Variants in DDX41 observed in about 807,000 individuals in gnomAD.
The protein encoded by DDX41 is DEAD-box helicase 41, also known as probable ATP-dependent RNA helicase DDX41.
A neutral mutation model predicts 78.8 loss-of-function variants in DDX41; 50 were observed. The ratio of observed to expected loss-of-function variants is 0.63; its 90% confidence interval spans 0.51 to 0.80. DDX41 has a LOEUF of 0.80. Ranked by LOEUF, DDX41 falls within the 30% of genes least tolerant of loss-of-function variation. DDX41 has a pLI of 0.00. For missense variants in DDX41, 633 were observed against 849.2 expected (o/e 0.75, Z 3.16); for synonymous variants, 381 against 321.5 (o/e 1.19, Z -1.98).
chr5:177,515,808 G>C lies in DDX41; in HGVS notation c.448C>G (p.Arg150Gly), dbSNP rs1420691936. 2 of 1,614,166 alleles carry C rather than the reference G, an allele frequency of 1.2e-6. No homozygotes were observed. The highest frequency in any genetic ancestry group is 3.3e-5 in the Admixed American group (2 of 60,024). The change falls in exon 6 of 17, where the codon CGT becomes GGT. Residue 150 changes from arginine (R) to glycine (G), a missense_variant. By Grantham distance (125) the Arg-to-Gly change is moderately radical. Around this residue, in one of 6 missense-constraint regions of DDX41, gnomAD observed 126 missense variants for 115.5 expected, o/e 1.09. Coordinates refer to ENST00000330503, the MANE Select transcript of DDX41 (RefSeq NM_016222.4). ...DPIKTSWTPP[R>G]YVLSMSEERH... ...TCTTCAGACATGCTCAGAACATAAC[G>C]GGGTGGAGTCCAGCTGTGGATGGGT... is the stretch of plus-strand genomic sequence containing the variant.
chr5:177,512,583 C>A lies in DDX41; in HGVS notation c.1462G>T (p.Ala488Ser). Reference sequence around the variant, plus strand: ...AGGCCCTTGGAGGCAACGTCTGTGGCTACTAGGACATCCTTCTTGCCCTCC... The same window carrying A: ...AGGCCCTTGGAGGCAACGTCTGTGGATACTAGGACATCCTTCTTGCCCTCC... ...FREGKKDVLV[A>S]TDVASKGLDF... is the part of the protein sequence containing the mutation. The change falls in exon 14 of 17, where the codon GCC becomes TCC. Residue 488 changes from alanine (A) to serine (S), a missense_variant. Ala to Ser is a moderately conservative substitution (Grantham distance 99). This residue lies in a region of DDX41 where 185 missense variants were observed against 367.4 expected (regional missense o/e 0.50). Coordinates refer to ENST00000330503, the MANE Select transcript of DDX41 (RefSeq NM_016222.4). The A allele has an allele frequency of 6.2e-7, 1 of 1,614,184 alleles. No individual in the cohort carries two copies. Among genetic ancestry groups the A allele is most frequent in the Non-Finnish European group, 8.5e-7 (1 of 1,180,034 alleles).
chr5:177,515,373 A>G, intron 6 of DDX41, 115 bp from the exon 7 acceptor site: 1 of 889,248 alleles, frequency 1.1e-6, no homozygotes, highest in East Asian at 2.8e-5. Flanking sequence ...TGAGGCTCAG[A>G]GAGAGAGAGA....
Position 177,514,707 on chromosome 5 carries a change from A to T in DDX41, c.929T>A (p.Ile310Asn). 2.5e-6 allele frequency: 4 copies of T among 1,610,180 alleles called. No individual in the cohort carries two copies. The highest frequency in any genetic ancestry group is 3.4e-6 in the Non-Finnish European group (4 of 1,178,128). The change falls in exon 9 of 17, where the codon ATC becomes AAC. Residue 310 changes from isoleucine (I) to asparagine (N), a missense_variant. Ile to Asn is a moderately radical substitution (Grantham distance 149). Coordinates refer to ENST00000330503, the MANE Select transcript of DDX41 (RefSeq NM_016222.4). The surrounding 1 kb of genome is among the most constrained non-coding windows in gnomAD (Gnocchi z 4.2). The part of the protein sequence containing the change: ...GMSVKEQMET[I>N]RHGVHMMVAT... ...AGGGAGCGCCAGCACTCACTGTCGG[A>T]TGGTCTCCATCTGCTCTTTCACGGA...
In DDX41 at chr5:177,514,302, G is replaced by A. The variant is rs540161358; in HGVS notation, c.935+399C>T. On this transcript the variant is annotated intron_variant, in intron 9 of 16. Transcript: ENST00000330503. The surrounding 1 kb of genome is among the most constrained non-coding windows in gnomAD (Gnocchi z 4.2). ...GACTGCACAGCACTGAAAGGACACA[G>A]GTGCCGCTGGGATCCAGCCCTACCC... 2.1e-6 allele frequency: 1 copy of A among 483,680 alleles called. No homozygotes were observed. Among genetic ancestry groups the A allele is most frequent in the South Asian group, 1.6e-5 (1 of 63,376 alleles). The allele number at this position is 483,680 out of a possible 1,614,324, so 30.0% of individuals were successfully genotyped here.
intron 6 of DDX41, 67 bp from the exon 7 acceptor site, chr5:177,515,325 A>T: frequency 6.8e-7 from 1 of 1,476,118 alleles, no homozygotes; most frequent in Non-Finnish European, 9.5e-7. Context: ...AAAGCCTGTA[A>T]AACTGGCACT....
chr5:177,516,478 A>C (rs753730418), intron 2 of DDX41, 31 bp from the exon 3 acceptor site: 1 of 1,610,888 alleles, frequency 6.2e-7, no homozygotes, highest in Non-Finnish European at 8.5e-7. Flanking sequence ...CACAGATAGG[A>C]TGGGCATGGA....
chr5:177,516,547 C>A, intron 2 of DDX41, 100 bp from the exon 3 acceptor site: 1 of 1,491,100 alleles, frequency 6.7e-7, no homozygotes, highest in Non-Finnish European at 9.2e-7. Context: ...GCCCGAGGCG[C>A]AAAGCTGCCC....
At chr5:177,515,625 A>G (rs1761189538) in intron 6 of DDX41, 60 bp downstream of exon 6, 2 of 1,592,520 alleles carry the variant, frequency 1.3e-6, no homozygotes, top group African/African-American at 1.3e-5. Flanking sequence ...GGGAGCCAGG[A>G]CATAACCTCA....
At chr5:177,512,934 C>T in intron 12 of DDX41, 58 bp from the exon 13 acceptor site, 1 of 1,606,864 alleles carries the variant, frequency 6.2e-7, no homozygotes, top group Middle Eastern at 1.7e-4. Context: ...CACCGCACCT[C>T]CCCTGGCACT....
rs1760949042 is a variant in DDX41, at chr5:177,511,738, T to C, written c.*53A>G. ...CCAGGGGGCTGCTGTATGTGTAGAC[T>C]GGTGGCAGTCTTGGGGACTGAGGCC... On this transcript the variant is annotated 3_prime_UTR_variant, in exon 17 of 17. Transcript: ENST00000330503. The C allele has an allele frequency of 6.3e-7, 1 of 1,589,406 alleles. No individual in the cohort carries two copies. The highest frequency in any genetic ancestry group is 8.6e-7 in the Non-Finnish European group (1 of 1,164,360).
rs199630434 is a variant in DDX41 at position 177,511,872 on chromosome 5, G to A, written c.1788C>T (p.Pro596=). The change falls in exon 17 of 17, where the codon CCC becomes CCT. Residue 596 remains proline (P), a synonymous_variant. Coordinates refer to ENST00000330503, the MANE Select transcript of DDX41 (RefSeq NM_016222.4). ...GCTTGGTCTGCATAGCCTCGAGTTT[G>A]GGGCAGTCAGTGATCCGATGACCCA... ...GGLGHRITDC[P]KLEAMQTKQV... is the part of the protein sequence containing the mutation. The A allele has an allele frequency of 6.2e-7, 1 of 1,614,142 alleles. No individual in the cohort carries two copies. The highest frequency in any genetic ancestry group is 8.5e-7 in the Non-Finnish European group (1 of 1,180,036).
rs138403280 is a variant in DDX41, at chr5:177,515,299, AC to A, written c.572-42del. On this transcript the variant is annotated intron_variant, in intron 6 of 16. Transcript: ENST00000330503. Reference sequence around the variant, plus strand: ...GACATCGTCTTCATGACTCACAGGTACTTTCTCAGAGCCCCAAAGCCTGTAA... The same window carrying A: ...GACATCGTCTTCATGACTCACAGGTATTTCTCAGAGCCCCAAAGCCTGTAA... 2,675 of 1,605,444 alleles carry A rather than the reference AC, an allele frequency of 1.7e-3. 30 individuals carry two copies. In the African/African-American group the frequency reaches 0.031, roughly 18 times the overall value.
chr5:177,512,022 T>C (rs1272775534), intron 16 of DDX41, 74 bp downstream of exon 16: 44 of 1,606,782 alleles, frequency 2.7e-5, no homozygotes, highest in Non-Finnish European at 3.7e-5. Context: ...TCCACCGGTT[T>C]CACGTTTCTG....
intron 1 of DDX41, 21 bp from the exon 2 acceptor site, chr5:177,516,856 G>C (rs374783134): frequency 1.2e-6 from 2 of 1,613,028 alleles, no homozygotes; most frequent in Middle Eastern, 1.6e-4. Flanking sequence ...ACGCCAGTCA[G>C]GCACGGCCTG....
Position 177,515,727 on chromosome 5 carries a change from G to C in DDX41, c.529C>G (p.Pro177Ala), listed in dbSNP as rs747762811. The change falls in exon 6 of 17, where the codon CCA becomes GCA. Residue 177 changes from proline to alanine, a missense_variant. Transcript: ENST00000330503. ...TCCTTGAAGCTCTTGATGGGTGGTG[G>C]GATACCGTCTCCCTCCACCAGGATG... ...YHILVEGDGI[P>A]PPIKSFKEMK... 6.2e-7 allele frequency: 1 copy of C among 1,614,088 alleles called. No individual in the cohort carries two copies. The highest frequency in any genetic ancestry group is 8.5e-7 in the Non-Finnish European group (1 of 1,180,030).
At chr5:177,516,477 G>C (rs763779808) in intron 2 of DDX41, 30 bp from the exon 3 acceptor site, 15 of 1,610,818 alleles carry the variant, frequency 9.3e-6, no homozygotes, top group South Asian at 3.3e-5. Flanking sequence ...CCACAGATAG[G>C]ATGGGCATGG....
Position 177,516,007 on chromosome 5 carries a change from G to A in DDX41, c.374-18C>T, listed in dbSNP as rs1243724743. 6.2e-7 allele frequency: 1 copy of A among 1,614,202 alleles called. No individual in the cohort carries two copies. Among genetic ancestry groups the A allele is most frequent in the Middle Eastern group, 1.6e-4 (1 of 6,062 alleles). On this transcript the variant is annotated intron_variant, in intron 4 of 16. Transcript: ENST00000330503. ...CATCAATGCTGAAGAGAGAGACATG[G>A]CTCAGGGCTGGCTCCTGCTTCTGAG...
rs1282221962 is a variant in DDX41 at position 177,513,920 on chromosome 5, G to T, written c.936-73C>A. 2.1e-6 allele frequency: 3 copies of T among 1,449,348 alleles called. No homozygotes were observed. The highest frequency in any genetic ancestry group is 2.9e-6 in the Non-Finnish European group (3 of 1,039,260). The allele number at this position is 1,449,348 out of a possible 1,614,324, so 89.8% of individuals were successfully genotyped here. ...CTATCTAGAGGCAAGCAGGCACCCT[G>T]CATCTGCTCTGCTCTCTGTCCTCCT... On this transcript the variant is annotated intron_variant, in intron 9 of 16. Transcript: ENST00000330503. The surrounding 1 kb of genome is among the most constrained non-coding windows in gnomAD (Gnocchi z 4.6).
At position 177,515,926 on chromosome 5, in the gene DDX41, T is replaced by A; in HGVS notation, c.434+3A>T. ...AGGGCAACTGCAGACTGTACAGACA[T>A]ACCTGGTTTTGATGGGGTCATCATA... On this transcript the variant is annotated splice_donor_region_variant and intron_variant, in intron 5 of 16. Transcript: ENST00000330503. The A allele has an allele frequency of 6.2e-7, 1 of 1,614,166 alleles. No individual in the cohort carries two copies. The highest frequency in any genetic ancestry group is 8.5e-7 in the Non-Finnish European group (1 of 1,180,034).
Sources: gnomAD v4.1 joint callset for allele counts on GRCh38, gnomAD v4.1.1 for gene constraint, gnomAD v4.1.1 regional missense constraint, Gnocchi (gnomAD v3.1) non-coding constraint, MANE v1.5 for transcripts, NCBI Gene and HGNC (gene_info 2026-07-23, HGNC 2026-07-21) for gene names.